The following ADGRB3 variants were observed in gnomAD, a reference collection of about 807,000 sequenced individuals.
ADGRB3 encodes adhesion G protein-coupled receptor B3.
ADGRB3 carries 37 observed loss-of-function variants against 193.4 expected under a neutral mutation model. The ratio of observed to expected loss-of-function variants is 0.19; its 90% CI spans 0.15 to 0.25. ADGRB3 has a LOEUF of 0.25. ADGRB3 is among the 10% of genes least tolerant of loss of function. The probability of loss-of-function intolerance (pLI) is 1.00; values close to 1 mark genes in which losing one functional copy is unlikely to be tolerated. For missense variants in ADGRB3, 1,637 were observed against 1,852.9 expected (o/e 0.88, Z 2.14); for synonymous variants, 690 against 644.2 (o/e 1.07, Z -1.08).
At chr6:68,812,733 G>T (rs1171018309) in intron 3 of ADGRB3, among the ~76,000 whole-genome samples, 4 of 151,424 alleles carry the variant, frequency 2.6e-5, no homozygotes, top group Non-Finnish European at 5.9e-5. Flanking sequence ...GTGCAGGTTT[G>T]TTACATAGTT....
intron 3 of ADGRB3, among the ~76,000 whole-genome samples, chr6:68,764,035 G>A (rs1244196485): frequency 6.6e-6 from 1 of 152,108 alleles, no homozygotes; most frequent in East Asian, 1.9e-4. Flanking sequence ...ATGCACCACT[G>A]CACTCCAGCC....
At chr6:68,777,688 A>G (rs1766775287) in intron 3 of ADGRB3, among the ~76,000 whole-genome samples, 1 of 149,418 alleles carries the variant, frequency 6.7e-6, no homozygotes, top group Non-Finnish European at 1.5e-5. Flanking sequence ...AAAAAAAAAA[A>G]CGACTACTAA....
chr6:68,911,005 C>T lies in ADGRB3; in HGVS notation c.758-19554C>T, dbSNP rs181533070. Among the ~76,000 whole-genome samples, 215 of 152,058 alleles carry T rather than the reference C, an allele frequency of 1.4e-3. 1 individual carries two copies. Among genetic ancestry groups the T allele is most frequent in the African/African-American group, 5.0e-3 (207 of 41,458 alleles). On this transcript the variant is annotated intron_variant, in intron 3 of 31. Transcript: ENST00000370598. ...TATAAATTACCTTGGGCAGTATGGC[C>T]ATTTTCATGATATTGATTCTTCCTA...
Position 68,979,011 on chromosome 6 carries a change from T to A in ADGRB3, c.1734+3671T>A, listed in dbSNP as rs1325558578. On this transcript the variant is annotated intron_variant, in intron 10 of 31. Transcript: ENST00000370598. Reference sequence around the variant, plus strand: ...CATTAATAAACATTAGTTGTGTATGTTCTATGAACTCTCAATTATAAACCA... The same window carrying A: ...CATTAATAAACATTAGTTGTGTATGATCTATGAACTCTCAATTATAAACCA... 2.0e-5 allele frequency among the ~76,000 whole-genome samples: 3 copies of A among 151,356 alleles called. 1 individual carries two copies. In the Admixed American group the frequency reaches 2.0e-4, roughly 10 times the overall value.
At chr6:68,908,706 C>G (rs931612291) in intron 3 of ADGRB3, among the ~76,000 whole-genome samples, 4 of 151,956 alleles carry the variant, frequency 2.6e-5, no homozygotes, top group Admixed American at 2.0e-4. Flanking sequence ...AAAACAAAGC[C>G]CTTGTTGTGA....
At chr6:68,869,786 G>A (rs1049256143) in intron 3 of ADGRB3, among the ~76,000 whole-genome samples, 3 of 150,934 alleles carry the variant, frequency 2.0e-5, no homozygotes, top group Non-Finnish European at 3.0e-5. Flanking sequence ...GGCGGGTGGC[G>A]GGGAGACAGA....
At chr6:68,705,132 G>A (rs1272635125) in intron 3 of ADGRB3, among the ~76,000 whole-genome samples, 1 of 152,100 alleles carries the variant, frequency 6.6e-6, no homozygotes, top group Non-Finnish European at 1.5e-5. Flanking sequence ...CACCAACTTT[G>A]TAGTCATTCC....
intron 3 of ADGRB3, among the ~76,000 whole-genome samples, chr6:68,919,242 C>G (rs1234132423): frequency 6.6e-6 from 1 of 152,144 alleles, no homozygotes; most frequent in Admixed American, 6.5e-5. Context: ...CCTAAAACAG[C>G]TTTCTGCAGT....
intron 20 of ADGRB3, among the ~76,000 whole-genome samples, chr6:69,271,901 C>T (rs530199271): frequency 2.6e-5 from 4 of 152,062 alleles, no homozygotes; most frequent in Non-Finnish European, 5.9e-5. Flanking sequence ...TAAAAACATA[C>T]GAATTTTTCC....
intron 3 of ADGRB3, among the ~76,000 whole-genome samples, chr6:68,728,431 C>T (rs1184397715): frequency 6.6e-6 from 1 of 151,320 alleles, no homozygotes; most frequent in Non-Finnish European, 1.5e-5. Context: ...TTTGAAATAG[C>T]GAAGGAATCT....
intron 17 of ADGRB3, among the ~76,000 whole-genome samples, chr6:69,129,488 A>C (rs1773945889): frequency 6.6e-6 from 1 of 152,144 alleles, no homozygotes; most frequent in African/African-American, 2.4e-5. Context: ...AGCTTAAAAA[A>C]ACATAAGAAC....
chr6:69,013,786 A>G (rs1311085667), intron 11 of ADGRB3, among the ~76,000 whole-genome samples: 1 of 152,076 alleles, frequency 6.6e-6, no homozygotes, highest in Non-Finnish European at 1.5e-5. Flanking sequence ...ATAATGGAAC[A>G]AATAATTTTG....
At chr6:69,029,055 A>T (rs2793454) in intron 13 of ADGRB3, among the ~76,000 whole-genome samples, 1 of 152,066 alleles carries the variant, frequency 6.6e-6, no homozygotes, top group African/African-American at 2.4e-5. Flanking sequence ...TTTCCCCTTT[A>T]CATCTTGGTA....
chr6:69,356,028 C>T (rs559190041), intron 28 of ADGRB3, among the ~76,000 whole-genome samples, 168 bp downstream of exon 28: 27 of 152,132 alleles, frequency 1.8e-4, no homozygotes, highest in African/African-American at 6.3e-4. Flanking sequence ...AACCAAAGAA[C>T]GAGGCAGAAA....
chr6:69,088,167 T>C lies in ADGRB3; in HGVS notation c.2480+12129T>C, dbSNP rs181999334. Among the ~76,000 whole-genome samples the C allele has an allele frequency of 7.7e-4, 118 of 152,268 alleles. 2 individuals carry two copies. Among genetic ancestry groups the C allele is most frequent in the Admixed American group, 6.9e-3 (106 of 15,288 alleles). On this transcript the variant is annotated intron_variant, in intron 17 of 31. Transcript: ENST00000370598. ...GAGCAGAGTAGCTATGTAATAAATA[T>C]TTACTGAATTGAAATGGAATGAAGT...
chr6:69,263,296 A>G (rs1048016035), intron 20 of ADGRB3, among the ~76,000 whole-genome samples: 1 of 152,066 alleles, frequency 6.6e-6, no homozygotes, highest in Non-Finnish European at 1.5e-5. Context: ...ATTCTCATTC[A>G]TATACTATAT....
chr6:68,870,342 A>G (rs1439497765), intron 3 of ADGRB3, among the ~76,000 whole-genome samples: 2 of 152,222 alleles, frequency 1.3e-5, no homozygotes, highest in Admixed American at 6.5e-5. Context: ...TGGACTATTT[A>G]GTATTTTAAT....
chr6:69,187,954 T>G (rs1471138959), intron 17 of ADGRB3, among the ~76,000 whole-genome samples: 1 of 152,200 alleles, frequency 6.6e-6, no homozygotes, highest in African/African-American at 2.4e-5. Context: ...ATTCTGAAAG[T>G]AAATCATTCT....
intron 26 of ADGRB3, among the ~76,000 whole-genome samples, chr6:69,350,098 C>T (rs1176373028): frequency 1.3e-5 from 2 of 152,214 alleles, no homozygotes; most frequent in African/African-American, 4.8e-5. Flanking sequence ...GAGCGAGACA[C>T]ACCCCTGCAA....
Sources: allele counts gnomAD v4.1 joint callset (sites outside exome capture counted in the v4.1 genomes callset), GRCh38; gene constraint gnomAD v4.1.1; transcripts MANE v1.5; gene names NCBI Gene and HGNC (gene_info 2026-07-23, HGNC 2026-07-21).